CNTN1: variants seen among roughly 807,000 people sequenced by gnomAD.
The protein encoded by CNTN1 is contactin-1.
Under a neutral mutation model 126.4 loss-of-function variants are expected in CNTN1, and 38 were observed. That is an observed-to-expected ratio of 0.30 (90% CI 0.23 to 0.39). The LOEUF is 0.39. Among genes scored for constraint, CNTN1 ranks in the 10% least tolerant of loss-of-function variants. The probability of loss-of-function intolerance (pLI) is 1.00; values close to 1 mark genes in which losing one functional copy is unlikely to be tolerated. For synonymous variants in CNTN1, 413 were observed against 422.6 expected (o/e 0.98, Z 0.28); for missense variants, 1,009 against 1,248.4 (o/e 0.81, Z 2.89).
chr12:40,958,777 A>T (rs1392675990), intron 14 of CNTN1, among the ~76,000 whole-genome samples: 1 of 152,052 alleles, frequency 6.6e-6, no homozygotes, highest in Non-Finnish European at 1.5e-5. Context: ...TGATACTTAA[A>T]ACTTATTGAT....
chr12:40,765,885 G>T (rs1939064963), intron 1 of CNTN1, among the ~76,000 whole-genome samples: 1 of 152,208 alleles, frequency 6.6e-6, no homozygotes, highest in Non-Finnish European at 1.5e-5. Flanking sequence ...CATAGTGTTG[G>T]AGGGAATCAG....
At chr12:40,902,599 T>C (rs926278355) in intron 1 of CNTN1, among the ~76,000 whole-genome samples, 2 of 152,194 alleles carry the variant, frequency 1.3e-5, no homozygotes, top group African/African-American at 4.8e-5. Context: ...GTAAAAGTGA[T>C]ATGACCATTT....
At chr12:40,732,619 G>A (rs1942528763) in intron 1 of CNTN1, among the ~76,000 whole-genome samples, 1 of 151,996 alleles carries the variant, frequency 6.6e-6, no homozygotes, top group South Asian at 2.1e-4. Context: ...TTAATGTCAT[G>A]CAAAAGAACA....
intron 1 of CNTN1, among the ~76,000 whole-genome samples, chr12:40,763,836 C>T (rs1402585226): frequency 6.6e-6 from 1 of 152,126 alleles, no homozygotes; most frequent in East Asian, 1.9e-4. Flanking sequence ...ACTTATTTCC[C>T]ACTCAATGGT....
chr12:40,996,399 T>C (rs1377045764), intron 17 of CNTN1, among the ~76,000 whole-genome samples: 1 of 152,184 alleles, frequency 6.6e-6, no homozygotes, highest in Non-Finnish European at 1.5e-5. Context: ...CCCAAAGTGT[T>C]GGGATTACAG....
intron 1 of CNTN1, among the ~76,000 whole-genome samples, chr12:40,735,326 A>G (rs1937629566): frequency 6.6e-6 from 1 of 152,262 alleles, no homozygotes; most frequent in African/African-American, 2.4e-5. Context: ...ATTCCTCAAA[A>G]TACACATTTG....
chr12:40,978,675 TATA>T (rs1947745630), intron 15 of CNTN1: 1 of 152,198 alleles, frequency 6.6e-6, no homozygotes, highest in South Asian at 2.1e-4. Context: ...TTATTATGCA[TATA>T]ATGTCTCAAC....
chr12:40,795,440 C>T (rs972536932), intron 1 of CNTN1, among the ~76,000 whole-genome samples: 1 of 151,364 alleles, frequency 6.6e-6, no homozygotes, highest in African/African-American at 2.4e-5. Context: ...TTAACAGAAC[C>T]TATACATATA....
intron 23 of CNTN1, among the ~76,000 whole-genome samples, chr12:41,063,513 GTC>G (rs1949984943): frequency 6.6e-6 from 1 of 152,188 alleles, no homozygotes; most frequent in Non-Finnish European, 1.5e-5. Context: ...GATGAGAGTA[GTC>G]TCTTTTTTGC....
intron 1 of CNTN1, among the ~76,000 whole-genome samples, chr12:40,889,385 G>T (rs1211727177): frequency 6.6e-6 from 1 of 152,160 alleles, no homozygotes; most frequent in Non-Finnish European, 1.5e-5. Context: ...GAATGTCATT[G>T]CTTCTCTTTT....
chr12:40,927,662 T>G (rs1312182053), intron 6 of CNTN1, among the ~76,000 whole-genome samples: 4 of 152,100 alleles, frequency 2.6e-5, no homozygotes, highest in Admixed American at 1.3e-4. Flanking sequence ...TTAAATAAAT[T>G]TAGATTAATT....
chr12:40,933,903 A>G (rs1945986849), intron 9 of CNTN1, 25 bp downstream of exon 9: 1 of 1,573,810 alleles, frequency 6.4e-7, no homozygotes, highest in Non-Finnish European at 8.7e-7. Context: ...TTAATTTTGT[A>G]TAAATTTCAT....
intron 1 of CNTN1, among the ~76,000 whole-genome samples, chr12:40,694,784 GC>G (rs1221394817): frequency 6.6e-6 from 1 of 152,138 alleles, no homozygotes; most frequent in East Asian, 1.9e-4. Context: ...CTGATTTGGA[GC>G]AAGATAATTA....
chr12:40,927,142 A>G (rs1294049624), intron 6 of CNTN1, among the ~76,000 whole-genome samples: 2 of 152,124 alleles, frequency 1.3e-5, no homozygotes, highest in African/African-American at 4.8e-5. Context: ...GAAGTGTCAT[A>G]TATCTACCGA....
chr12:40,832,811 A>G (rs1941896932), intron 1 of CNTN1, among the ~76,000 whole-genome samples: 1 of 152,076 alleles, frequency 6.6e-6, no homozygotes, highest in Non-Finnish European at 1.5e-5. Context: ...CACCTTCCTT[A>G]TCTGGGCTCT....
chr12:40,712,962 G>C (rs748373571), intron 1 of CNTN1, among the ~76,000 whole-genome samples: 1 of 151,972 alleles, frequency 6.6e-6, no homozygotes, highest in Admixed American at 6.6e-5. Flanking sequence ...ATTCCCATGA[G>C]AGCTGGTTGT....
In CNTN1 at chr12:40,822,148, C is replaced by CTTTTTTTT. The variant is rs777953120; in HGVS notation, c.-76-86192_-76-86185dup. 9.7e-4 allele frequency among the ~76,000 whole-genome samples: 46 copies of CTTTTTTTT among 47,264 alleles called. 5 individuals are homozygous for CTTTTTTTT. The highest frequency in any genetic ancestry group is 1.6e-3 in the African/African-American group (25 of 15,278). 31.0% of individuals were successfully genotyped at this position (47,264 alleles called of 152,430 possible). ...TTTCCAGTCTAGACAAAATATAAAT[C>CTTTTTTTT]TTTTTTTTTTTTTTTTTTTTTTTTG... On this transcript the variant is annotated intron_variant, in intron 1 of 23. Coordinates refer to ENST00000551295, the MANE Select transcript of CNTN1 (RefSeq NM_001843.4).
intron 23 of CNTN1, among the ~76,000 whole-genome samples, chr12:41,051,145 C>CTTTTTT (rs58479316): frequency 2.5e-5 from 3 of 120,392 alleles, no homozygotes; most frequent in Non-Finnish European, 3.4e-5. Context: ...GCTTTGTGAT[C>CTTTTTT]TTTTTTTTTT....
chr12:40,890,470 G>A (rs1944202505), intron 1 of CNTN1, among the ~76,000 whole-genome samples: 1 of 151,960 alleles, frequency 6.6e-6, no homozygotes, highest in Admixed American at 6.6e-5. Context: ...AAAATCTTCT[G>A]TGCCACTGCA....
Sources: allele counts gnomAD v4.1 joint callset (sites outside exome capture counted in the v4.1 genomes callset), GRCh38; gene constraint gnomAD v4.1.1; transcripts MANE v1.5; gene names NCBI Gene and HGNC (gene_info 2026-07-23, HGNC 2026-07-21).